The following RFFL variants were observed in gnomAD, a reference collection of about 807,000 sequenced individuals.
The protein encoded by RFFL is ring finger and FYVE like domain containing E3 ubiquitin protein ligase, also known as E3 ubiquitin-protein ligase rififylin.
Under a neutral mutation model 40.4 loss-of-function variants are expected in RFFL, and 16 were observed. That is an observed-to-expected ratio of 0.40 (90% CI 0.27 to 0.60). RFFL has a LOEUF of 0.60. Among genes scored for constraint, RFFL ranks in the 20% least tolerant of loss-of-function variants. RFFL has a pLI of 0.47. For synonymous variants in RFFL, 154 were observed against 167.9 expected (o/e 0.92, Z 0.64); for missense variants, 367 against 451.7 (o/e 0.81, Z 1.70).
chr17:35,074,581 C>G (rs2091367114), intron 1 of RFFL, among the ~76,000 whole-genome samples: 1 of 152,136 alleles, frequency 6.6e-6, no homozygotes, highest in Non-Finnish European at 1.5e-5. Context: ...AGGCTTTGGG[C>G]CCCCTCTTTA....
In RFFL at chr17:35,026,378, C is replaced by T. The variant is rs970675653; in HGVS notation, c.176G>A (p.Arg59Lys). ...SCGAHFANTA[R>K]KQTCLDCKKN... ...GGCCAAGAAGTCAGCACTCACCTTCCTGGCCGTGTTTGCAAAGTGAGCCCC... is the reference window on the plus strand; with the variant it reads ...GGCCAAGAAGTCAGCACTCACCTTCTTGGCCGTGTTTGCAAAGTGAGCCCC... The change falls in exon 2 of 7, where the codon AGG becomes AAG. Residue 59 changes from arginine to lysine, a missense_variant. By Grantham distance (26) the Arg-to-Lys change is conservative (BLOSUM62 2). Transcript: ENST00000394597. The T allele has an allele frequency of 2.5e-6, 4 of 1,613,580 alleles. No individual in the cohort carries two copies. Among genetic ancestry groups the T allele is most frequent in the Non-Finnish European group, 3.4e-6 (4 of 1,179,816 alleles).
At chr17:35,068,244 TA>T (rs1385543749), upstream of RFFL, among the ~76,000 whole-genome samples, 1 of 152,224 alleles carries the variant, frequency 6.6e-6, no homozygotes, top group Non-Finnish European at 1.5e-5. Flanking sequence ...TGGGATGCTA[TA>T]TAGCTCATAT....
In RFFL at chr17:35,044,380, C is replaced by A. The variant is rs569112309; in HGVS notation, c.-8-17819G>T. On this transcript the variant is annotated intron_variant, in intron 1 of 6. Transcript: ENST00000394597. ...CAATGAGCCAGCGCACCTGGTCTAC[C>A]CTCCTTTTAATAAGTGTTGTCAGCC... Among the ~76,000 whole-genome samples, 19 of 152,280 alleles carry A rather than the reference C, an allele frequency of 1.2e-4. 1 individual carries two copies. The South Asian group carries it at 3.9e-3, about 32-fold the overall frequency.
intron 1 of RFFL, among the ~76,000 whole-genome samples, chr17:35,082,318 AAAG>A (rs2091406590): frequency 6.6e-6 from 1 of 152,234 alleles, no homozygotes; most frequent in South Asian, 2.1e-4. Context: ...AAAAGGGAGA[AAAG>A]AAGATAATGA....
chr17:35,035,927 T>C (rs1276732134), intron 1 of RFFL, among the ~76,000 whole-genome samples: 1 of 152,038 alleles, frequency 6.6e-6, no homozygotes, highest in African/African-American at 2.4e-5. Flanking sequence ...GGTCTTGAAC[T>C]CCTGACCTCA....
Position 35,069,237 on chromosome 17 carries a change from C to T in RFFL, c.-9+19868G>A, listed in dbSNP as rs576101301. 224 of 456,714 alleles carry T rather than the reference C, an allele frequency of 4.9e-4. 1 individual carries two copies. Among genetic ancestry groups the T allele is most frequent in the African/African-American group, 4.0e-3 (203 of 50,202 alleles). 28.3% of individuals were successfully genotyped at this position (456,714 alleles called of 1,614,324 possible). On this transcript the variant is annotated intron_variant, in intron 1 of 6. Transcript: ENST00000315249. ...CACACATGCCCTGCCTCCAATAAGT[C>T]AAACTTCCTAAACGTCTACCCTGGT... is the stretch of plus-strand genomic sequence containing the variant.
At chr17:35,027,924 T>C (rs934665279) in intron 1 of RFFL, among the ~76,000 whole-genome samples, 1 of 151,928 alleles carries the variant, frequency 6.6e-6, no homozygotes, top group Non-Finnish European at 1.5e-5. Flanking sequence ...CCCCAGCTAC[T>C]TGGGAGGCTG....
chr17:35,062,614 A>G (rs16970605), intron 1 of RFFL, among the ~76,000 whole-genome samples: 3,821 of 152,318 alleles, frequency 0.025, 164 homozygotes, highest in African/African-American at 0.086. Context: ...AAGAGGCTTC[A>G]TGGAAGAGGT....
At chr17:35,067,640 A>T (rs1034790529), upstream of RFFL, among the ~76,000 whole-genome samples, 2 of 151,474 alleles carry the variant, frequency 1.3e-5, no homozygotes, top group African/African-American at 4.9e-5. Flanking sequence ...TTTTTAGTAG[A>T]GACGGAGTTT....
intron 3 of RFFL, among the ~76,000 whole-genome samples, chr17:35,019,777 A>G (rs2090997177): frequency 6.6e-6 from 1 of 152,148 alleles, no homozygotes; most frequent in Non-Finnish European, 1.5e-5. Context: ...ATATAGCAGG[A>G]GTTTAAATCT....
At chr17:35,018,075 T>C (rs2090985594) in intron 3 of RFFL, among the ~76,000 whole-genome samples, 1 of 152,156 alleles carries the variant, frequency 6.6e-6, no homozygotes, top group Non-Finnish European at 1.5e-5. Context: ...TTTCCCAAAC[T>C]GTTTATACCA....
intron 2 of RFFL, among the ~76,000 whole-genome samples, 177 bp from the exon 3 acceptor site, chr17:35,021,958 C>G (rs2091011820): frequency 6.6e-6 from 1 of 152,192 alleles, no homozygotes; most frequent in South Asian, 2.1e-4. Flanking sequence ...GATTAAAAGC[C>G]ACTCGGGTGG....
chr17:35,011,271 G>C lies in RFFL; in HGVS notation c.*697C>G, dbSNP rs368672995. On this transcript the variant is annotated 3_prime_UTR_variant, in exon 7 of 7. Coordinates refer to ENST00000394597, the MANE Select transcript of RFFL (RefSeq NM_001017368.2). ...CAGCAGTTTGGGAGCCTGATGTTTT[G>C]TTGGCTCCCAGAGTCAGGTCAGGAG... is the stretch of plus-strand genomic sequence containing the variant. 6.6e-6 allele frequency: 1 copy of C among 152,226 alleles called. No homozygotes were observed. Among genetic ancestry groups the C allele is most frequent in the Non-Finnish European group, 1.5e-5 (1 of 68,054 alleles). 9.4% of individuals were successfully genotyped at this position (152,226 alleles called of 1,614,324 possible). A position where few individuals can be genotyped will look rare whatever the true frequency, so the allele number is the denominator to read the frequency against.
chr17:35,085,929 C>T (rs1002224561), intron 1 of RFFL, among the ~76,000 whole-genome samples: 6 of 152,158 alleles, frequency 3.9e-5, no homozygotes, highest in African/African-American at 1.4e-4. Flanking sequence ...TAAACTAAGA[C>T]TGGCATAACA....
chr17:35,017,466 C>G, intron 4 of RFFL, 57 bp downstream of exon 4: 2 of 1,131,984 alleles, frequency 1.8e-6, no homozygotes, highest in Non-Finnish European at 2.6e-6. Flanking sequence ...TAAGAGGTTC[C>G]GAAGAACACC....
chr17:35,072,847 C>A (rs2091357896), intron 1 of RFFL, among the ~76,000 whole-genome samples: 1 of 152,016 alleles, frequency 6.6e-6, no homozygotes, highest in Admixed American at 6.6e-5. Context: ...AGTTCGAGAC[C>A]AGCCTGACCA....
upstream of RFFL, among the ~76,000 whole-genome samples, chr17:35,064,694 C>A (rs559934329): frequency 6.6e-6 from 1 of 152,280 alleles, no homozygotes; most frequent in South Asian, 2.1e-4. Flanking sequence ...CTTAGCAGGG[C>A]ATTTGAGGCC....
chr17:35,016,656 TCAC>T (rs2142316376), intron 4 of RFFL, 76 bp from the exon 5 acceptor site: 1 of 1,179,666 alleles, frequency 8.5e-7, no homozygotes, highest in South Asian at 1.4e-5. Context: ...CCCAAAGCAG[TCAC>T]CACATCATAA....
intron 1 of RFFL, among the ~76,000 whole-genome samples, chr17:35,084,163 C>A (rs1381917231): frequency 1.3e-5 from 2 of 152,224 alleles, no homozygotes; most frequent in East Asian, 3.8e-4. Flanking sequence ...TGCTTGAACC[C>A]AGGAGGCAGA....
Sources: allele counts gnomAD v4.1 joint callset (sites outside exome capture counted in the v4.1 genomes callset), GRCh38; gene constraint gnomAD v4.1.1; transcripts MANE v1.5; gene names NCBI Gene and HGNC (gene_info 2026-07-23, HGNC 2026-07-21).